The following PMS2 variants were observed in gnomAD, a reference collection of about 807,000 sequenced individuals.
The protein encoded by PMS2 is PMS1 homolog 2, mismatch repair system component, also known as mismatch repair endonuclease PMS2.
Under a neutral mutation model 90.0 loss-of-function variants are expected in PMS2, and 69 were observed. The ratio of observed to expected loss-of-function variants is 0.77; its 90% CI spans 0.63 to 0.94. PMS2 has a LOEUF of 0.94. Among genes scored for constraint, PMS2 ranks in the 40% least tolerant of loss-of-function variants. PMS2 has a pLI of 0.00. For missense variants in PMS2, 966 were observed against 1,040.2 expected, an observed-to-expected ratio of 0.93 and a Z score of 0.98; for synonymous variants, 332 against 375.1, an observed-to-expected ratio of 0.89 and a Z score of 1.33.
In PMS2 at chr7:5,987,717, A is replaced by G. The variant is rs1783205118; in HGVS notation, c.1145-97T>C. The G allele has an allele frequency of 4.1e-6, 4 of 966,184 alleles. No homozygotes were observed. The East Asian group carries it at 9.5e-5, about 23-fold the overall frequency. The allele number at this position is 966,184 out of a possible 1,614,324, so 59.9% of individuals were successfully genotyped here. On this transcript the variant is annotated intron_variant, in intron 10 of 14. Transcript: ENST00000265849. ...AGATACTTCACAAAAGAGGAGATCC[A>G]CATGCTAATTACACAGATGAACACA... is the stretch of plus-strand genomic sequence containing the variant.
rs1583345602 is a variant in PMS2 at position 5,992,041 on chromosome 7, T to C, written c.920A>G (p.Asn307Ser). 1 of 1,585,968 alleles carries C rather than the reference T, an allele frequency of 6.3e-7. No individual in the cohort carries two copies. The highest frequency in any genetic ancestry group is 8.7e-7 in the Non-Finnish European group (1 of 1,154,530). ...CDPAKVCRLV[N>S]EVYHMYNRHQ... ...TCGATTATACATGTGGTAGACCTCA[T>C]TCACGAGTCTGCAGACCTGCACAAA... is the stretch of plus-strand genomic sequence containing the variant. Residue 307 changes from asparagine (N) to serine (S), a missense_variant, in exon 9 of 15, where the codon AAT (asparagine) becomes AGT (serine). Coordinates refer to ENST00000265849, the MANE Select transcript of PMS2 (RefSeq NM_000535.7).
chr7:6,008,016 T>A (rs190174571), intron 1 of PMS2, among the ~76,000 whole-genome samples: 59 of 152,144 alleles, frequency 3.9e-4, no homozygotes, highest in African/African-American at 1.3e-3. Context: ...CCCGCCATCA[T>A]GCCCAGTTAA....
chr7:5,997,651 C>T (rs1293627345), intron 6 of PMS2, among the ~76,000 whole-genome samples: 1 of 152,094 alleles, frequency 6.6e-6, no homozygotes, highest in African/African-American at 2.4e-5. Context: ...TTCAAGCAAT[C>T]CTCCTGCGTC....
At chr7:6,000,099 G>T (rs1394564137) in intron 5 of PMS2, among the ~76,000 whole-genome samples, 1 of 151,980 alleles carries the variant, frequency 6.6e-6, no homozygotes, top group Non-Finnish European at 1.5e-5. Context: ...ATAGGGCCAG[G>T]CATGATGGTT....
At chr7:5,978,274 T>TC (rs1781933325) in intron 13 of PMS2, among the ~76,000 whole-genome samples, 2 of 148,218 alleles carry the variant, frequency 1.3e-5, no homozygotes, top group East Asian at 4.0e-4. Context: ...TAGTTCTGAT[T>TC]TTTTTTTTTT....
At chr7:6,001,936 T>C (rs1399048742) in intron 5 of PMS2, 1 of 151,866 alleles carries the variant, frequency 6.6e-6, no homozygotes, top group Non-Finnish European at 1.5e-5. Flanking sequence ...GAGGTTGCAG[T>C]GAACCAAGAT....
chr7:5,991,945 G>T, intron 9 of PMS2, 28 bp downstream of exon 9: 1 of 1,030,412 alleles, frequency 9.7e-7, no homozygotes, highest in South Asian at 1.3e-5. Context: ...TTAGTCACTA[G>T]TTGTACTGAA....
chr7:6,008,383 GC>G (rs1786116554), intron 1 of PMS2, among the ~76,000 whole-genome samples: 1 of 152,106 alleles, frequency 6.6e-6, no homozygotes, highest in Admixed American at 6.6e-5. Context: ...GAAACGTATT[GC>G]ATTTTTAAAA....
intron 14 of PMS2, among the ~76,000 whole-genome samples, chr7:5,976,189 T>A (rs1192903816): frequency 6.4e-5 from 9 of 141,104 alleles, no homozygotes; most frequent in Non-Finnish European, 9.4e-5. Context: ...TGAGCTGAGA[T>A]CACATCACTG....
chr7:5,997,350 G>A lies in PMS2; in HGVS notation c.779C>T (p.Ser260Phe), dbSNP rs777286241. The A allele has an allele frequency of 8.3e-5, 132 of 1,591,390 alleles. 3 individuals are homozygous for A. In the South Asian group the frequency reaches 1.4e-3, roughly 16 times the overall value. Reference protein sequence around the residue: ...SVCEEYGLSCSDALHNLFYIS... With the variant: ...SVCEEYGLSCFDALHNLFYIS... ...CTAAAAAAGATTATGCAGAGCATCG[G>A]AACAGCTCAAACCGTACTCTTCACA... The change falls in exon 7 of 15, where the codon TCC becomes TTC. Residue 260 changes from serine (S) to phenylalanine (F), a missense_variant. By Grantham distance (155) the Ser-to-Phe change is radical (BLOSUM62 -2). Around this residue, in one of 2 missense-constraint regions of PMS2, gnomAD observed 871 missense variants for 802.4 expected, o/e 1.09. Transcript: ENST00000265849.
intron 5 of PMS2, among the ~76,000 whole-genome samples, chr7:5,999,562 A>T (rs1319917412): frequency 6.6e-6 from 1 of 152,068 alleles, no homozygotes; most frequent in Non-Finnish European, 1.5e-5. Context: ...GGCTGAGGGC[A>T]GGAGGATCAC....
chr7:6,003,008 G>A (rs1785275832), intron 4 of PMS2, among the ~76,000 whole-genome samples: 1 of 152,036 alleles, frequency 6.6e-6, no homozygotes. Flanking sequence ...AAATGTATAT[G>A]TAGGGCAGAG....
At chr7:5,991,179 G>T (rs942438185) in intron 9 of PMS2, among the ~76,000 whole-genome samples, 4 of 151,888 alleles carry the variant, frequency 2.6e-5, no homozygotes, top group African/African-American at 9.7e-5. Flanking sequence ...CCACATTTCT[G>T]ATCAATTTCT....
intron 1 of PMS2, among the ~76,000 whole-genome samples, chr7:6,008,671 T>C (rs1001980325): frequency 1.2e-4 from 19 of 152,166 alleles, no homozygotes; most frequent in Non-Finnish European, 2.4e-4. Flanking sequence ...ATTCAGTCTA[T>C]GGGGATTTCA....
chr7:5,996,429 C>G (rs188847726), intron 7 of PMS2, among the ~76,000 whole-genome samples: 289 of 151,856 alleles, frequency 1.9e-3, no homozygotes, highest in African/African-American at 6.9e-3. Flanking sequence ...GTGGTGAACA[C>G]CTGTAGTCCC....
chr7:5,978,462 G>C, intron 13 of PMS2, 134 bp downstream of exon 13: 3 of 1,015,360 alleles, frequency 3.0e-6, no homozygotes, highest in Non-Finnish European at 4.5e-6. Context: ...GTAGAGATGG[G>C]GTTTCACCAT....
rs1583281360 is a variant in PMS2, at chr7:5,977,723, C to T, written c.2310G>A (p.Leu770=). 1 of 1,606,454 alleles carries T rather than the reference C, an allele frequency of 6.2e-7. No individual in the cohort carries two copies. Among genetic ancestry groups the T allele is most frequent in the East Asian group, 2.2e-5 (1 of 44,560 alleles). ...CGAAGGTCCAGTTTTTACTAGTTGG[C>T]AAGGAAATCAGTTTAGCCCTTTCAG... The part of the protein sequence containing the change: ...PVTERAKLIS[L]PTSKNWTFGP... Residue 770 remains leucine (L), a synonymous_variant, in exon 14 of 15, where the codon TTG becomes TTA. Transcript: ENST00000265849.
intron 5 of PMS2, chr7:6,002,166 A>C (rs1356343913): frequency 1.4e-5 from 5 of 348,078 alleles, no homozygotes; most frequent in Non-Finnish European, 2.7e-5. Flanking sequence ...AGTAGCTGGA[A>C]CTACAGGTAC....
chr7:6,004,420 A>G (rs1335824949), intron 2 of PMS2: 2 of 212,290 alleles, frequency 9.4e-6, no homozygotes, highest in Non-Finnish European at 1.9e-5. Flanking sequence ...AACATACCCA[A>G]TAAAGAGAAC....
Sources: allele counts gnomAD v4.1 joint callset (sites outside exome capture counted in the v4.1 genomes callset), GRCh38; gene constraint gnomAD v4.1.1; regional missense constraint gnomAD v4.1.1; transcripts MANE v1.5; gene names NCBI Gene and HGNC (gene_info 2026-07-23, HGNC 2026-07-21).